HDHD5: variants seen among roughly 807,000 people sequenced by gnomAD.
The protein encoded by HDHD5 is haloacid dehalogenase-like hydrolase domain-containing 5.
HDHD5 carries 34 observed loss-of-function variants against 35.5 expected under a neutral mutation model. The observed-to-expected ratio is 0.96, with a 90% CI of 0.73 to 1.28. The LOEUF (loss-of-function observed/expected upper bound fraction) is 1.28. HDHD5 is among the 50% of genes most tolerant of loss of function. The pLI is 0.00. For missense variants in HDHD5, 589 were observed against 560.2 expected (o/e 1.05, Z -0.52); for synonymous variants, 248 against 240.6 (o/e 1.03, Z -0.29).
In HDHD5 at chr22:17,154,788, C is replaced by T. The variant is rs563310780; in HGVS notation, c.126+4338G>A. On this transcript the variant is annotated intron_variant, in intron 1 of 7. Coordinates refer to ENST00000336737, the MANE Select transcript of HDHD5 (RefSeq NM_033070.3). ...CAAGTATGTGCCACCACATGCCTGG[C>T]TAATTTTTTTTTTTTTTTCTTTTGT... Among the ~76,000 whole-genome samples the T allele has an allele frequency of 2.5e-3, 234 of 94,860 alleles. 1 individual carries two copies. The highest frequency in any genetic ancestry group is 4.3e-3 in the Non-Finnish European group (188 of 43,716). 62.2% of individuals were successfully genotyped at this position (94,860 alleles called of 152,430 possible). A position where few individuals can be genotyped will look rare whatever the true frequency, so the allele number is the denominator to read the frequency against.
chr22:17,142,678 CCCT>C (rs2123853226), intron 5 of HDHD5: 1 of 161,162 alleles, frequency 6.2e-6, no homozygotes, highest in Non-Finnish European at 1.3e-5. Context: ...TTTTATATCC[CCCT>C]ATTACAGTTA....
At chr22:17,162,372 G>C (rs118138475), upstream of HDHD5, among the ~76,000 whole-genome samples, 1 of 152,212 alleles carries the variant, frequency 6.6e-6, no homozygotes, top group Admixed American at 6.5e-5. Context: ...AATATTCTTG[G>C]TGATCAGGAC....
rs2061840495 is a variant in HDHD5, at chr22:17,159,220, C to T, written c.32G>A (p.Gly11Asp). Residue 11 changes from glycine to aspartate, a missense_variant, in exon 1 of 8, where the codon GGC (glycine) becomes GAC (aspartate). Gly to Asp is a moderately conservative substitution (Grantham distance 94). Coordinates refer to ENST00000336737, the MANE Select transcript of HDHD5 (RefSeq NM_033070.3). ...CCGCCAGCAAAGCCCACGCGCCGCG[C>T]CGAGCGCAGCCACACAGCCCCACGC... MAAWGCVAAL[G>D]AARGLCWRAA... The T allele has an allele frequency of 1.7e-6, 2 of 1,206,348 alleles. No homozygotes were observed. Among genetic ancestry groups the T allele is most frequent in the African/African-American group, 1.6e-5 (1 of 62,848 alleles). 74.7% of individuals were successfully genotyped at this position (1,206,348 alleles called of 1,614,324 possible). A position where few individuals can be genotyped will look rare whatever the true frequency, so the allele number is the denominator to read the frequency against.
chr22:17,159,154 C>T lies in HDHD5; in HGVS notation c.98G>A (p.Arg33His), dbSNP rs1045421949. Residue 33 changes from arginine (R) to histidine (H), a missense_variant, in exon 1 of 8, where the codon CGC becomes CAC. Physicochemically the swap from Arg to His is conservative, Grantham distance 29. Transcript: ENST00000336737. ...AAAGLQGRPA[R>H]RCYAVGPAQS... ...AGCGGGGCCCACAGCATAGCACCTGCGGGCGGGGCGGCCCTGGAGCCCCGC... is the reference window on the plus strand; with the variant it reads ...AGCGGGGCCCACAGCATAGCACCTGTGGGCGGGGCGGCCCTGGAGCCCCGC... 4.7e-5 allele frequency: 58 copies of T among 1,223,698 alleles called. No homozygotes were observed. In the African/African-American group the frequency reaches 8.9e-4, roughly 19 times the overall value. 75.8% of individuals were successfully genotyped at this position (1,223,698 alleles called of 1,614,324 possible). A position where few individuals can be genotyped will look rare whatever the true frequency, so the allele number is the denominator to read the frequency against.
chr22:17,138,634 G>A lies in HDHD5; in HGVS notation c.851C>T (p.Thr284Ile). Reference sequence around the variant, plus strand: ...GATCAGGTCCTCGGCATACTGGTAAGTGAGGATGCTGGGTTTGCCCATCAG... The same window carrying A: ...GATCAGGTCCTCGGCATACTGGTAAATGAGGATGCTGGGTTTGCCCATCAG... ...EGLMGKPSIL[T>I]YQYAEDLIRR... Residue 284 changes from threonine (T) to isoleucine (I), a missense_variant, in exon 7 of 8, where the codon ACT becomes ATT. Thr to Ile is a moderately conservative substitution (Grantham distance 89). Coordinates refer to ENST00000336737, the MANE Select transcript of HDHD5 (RefSeq NM_033070.3). The A allele has an allele frequency of 6.2e-7, 1 of 1,614,258 alleles. No individual in the cohort carries two copies.
Position 17,141,154 on chromosome 22 carries a change from G to C in HDHD5, c.651C>G (p.Ser217Arg). The C allele has an allele frequency of 6.3e-7, 1 of 1,594,806 alleles. No individual in the cohort carries two copies. The highest frequency in any genetic ancestry group is 8.5e-7 in the Non-Finnish European group (1 of 1,171,980). The change falls in exon 6 of 8, where the codon AGC (serine) becomes AGG (arginine). Residue 217 changes from serine (S) to arginine (R), a missense_variant. Coordinates refer to ENST00000336737, the MANE Select transcript of HDHD5 (RefSeq NM_033070.3). ...GGGGTGTTGCCAGGCCAGCCCCAGG[G>C]CTCCCATTGCTGAGGAGGACATCCA... is the stretch of plus-strand genomic sequence containing the variant. ...LIMDVLLSNG[S>R]PGAGLATPPY...
Position 17,141,121 on chromosome 22 carries a change from G to C in HDHD5, c.684C>G (p.Pro228=), listed in dbSNP as rs1255638525. 1.3e-6 allele frequency: 2 copies of C among 1,593,978 alleles called. No homozygotes were observed. The highest frequency in any genetic ancestry group is 2.3e-5 in the East Asian group (1 of 43,174). The change falls in exon 6 of 8, where the codon CCC becomes CCG. Residue 228 remains proline, a synonymous_variant. Transcript: ENST00000336737. ...TGTTGCTGGCTAGGACGGGGAGGTG[G>C]GGGTAGGGGGGTGTTGCCAGGCCAG... ...PGAGLATPPY[P]HLPVLASNMD...
intron 6 of HDHD5, among the ~76,000 whole-genome samples, chr22:17,139,676 T>C (rs1470953154): frequency 1.3e-5 from 2 of 152,046 alleles, no homozygotes; most frequent in African/African-American, 2.4e-5. Flanking sequence ...TGGGTTCAAG[T>C]GATTCTCCTG....
rs1221797860 is a variant in HDHD5 at position 17,148,552 on chromosome 22, T to C, written c.339A>G (p.Ala113=). Residue 113 remains alanine (A), a synonymous_variant, in exon 3 of 8, where the codon GCA becomes GCG. Transcript: ENST00000336737. ...GGCTGTGAGAGAGGATAACTTGGTCTGCATCCACCTGTAGGGACAGCCAAG... is the reference window on the plus strand; with the variant it reads ...GGCTGTGAGAGAGGATAACTTGGTCCGCATCCACCTGTAGGGACAGCCAAG... The part of the protein sequence containing the change: ...LSALLGCEVD[A]DQVILSHSPM... 6.2e-7 allele frequency: 1 copy of C among 1,613,562 alleles called. No homozygotes were observed. Among genetic ancestry groups the C allele is most frequent in the South Asian group, 1.1e-5 (1 of 91,076 alleles).
At chr22:17,160,463 G>A (rs1356188241), upstream of HDHD5, among the ~76,000 whole-genome samples, 1 of 151,962 alleles carries the variant, frequency 6.6e-6, no homozygotes, top group Non-Finnish European at 1.5e-5. Context: ...ACCTAGCCAA[G>A]ATGGTGAAAC....
chr22:17,158,245 C>G (rs2061822381), intron 1 of HDHD5, among the ~76,000 whole-genome samples: 1 of 151,940 alleles, frequency 6.6e-6, no homozygotes, highest in Non-Finnish European at 1.5e-5. Flanking sequence ...CGCTTGAACC[C>G]GGGAGGCGGA....
intron 1 of HDHD5, among the ~76,000 whole-genome samples, chr22:17,152,590 G>C (rs1261789963): frequency 6.6e-6 from 1 of 152,154 alleles, no homozygotes; most frequent in Admixed American, 6.6e-5. Context: ...TTTGGACCTG[G>C]GAGACAGGCA....
chr22:17,162,575 CTGTT>C (rs1320516284), upstream of HDHD5, among the ~76,000 whole-genome samples: 1 of 152,138 alleles, frequency 6.6e-6, no homozygotes, highest in Non-Finnish European at 1.5e-5. Context: ...GTTTGTTTGT[CTGTT>C]TGTTTCGGGG....
At chr22:17,152,178 G>A (rs1262408345) in intron 1 of HDHD5, among the ~76,000 whole-genome samples, 1 of 152,150 alleles carries the variant, frequency 6.6e-6, no homozygotes, top group Non-Finnish European at 1.5e-5. Flanking sequence ...AGGTCTCCGA[G>A]GCCAATTTAA....
chr22:17,164,826 C>A (rs2061882046), intron 1 of HDHD5, among the ~76,000 whole-genome samples: 1 of 152,204 alleles, frequency 6.6e-6, no homozygotes, highest in East Asian at 1.9e-4. Context: ...ACTGGCATAT[C>A]CTACCTCACA....
At chr22:17,155,231 CTTTTTTT>C (rs539943001) in intron 1 of HDHD5, among the ~76,000 whole-genome samples, 1 of 133,256 alleles carries the variant, frequency 7.5e-6, no homozygotes, top group Non-Finnish European at 1.6e-5. Flanking sequence ...ATTTGCTTTC[CTTTTTTT>C]TTTTTTTTTG....
At position 17,145,058 on chromosome 22, in the gene HDHD5, T is replaced by G; in HGVS notation, c.503A>C (p.Asp168Ala). 6.2e-7 allele frequency: 1 copy of G among 1,613,824 alleles called. No homozygotes were observed. The highest frequency in any genetic ancestry group is 8.5e-7 in the Non-Finnish European group (1 of 1,179,980). Residue 168 changes from aspartate (D) to alanine (A), a missense_variant, in exon 4 of 8, where the codon GAC becomes GCC. Coordinates refer to ENST00000336737, the MANE Select transcript of HDHD5 (RefSeq NM_033070.3). ...TAGCCGCCGCTCCAGGTCCACCATG[T>G]CAAGCAGAGGAAAGGCCATCCGCAG... Reference protein sequence around the residue: ...DELRMAFPLLDMVDLERRLKT... With the variant: ...DELRMAFPLLAMVDLERRLKT...
At chr22:17,143,321 G>A (rs1163530981) in intron 4 of HDHD5, 190 bp from the exon 5 acceptor site, 3 of 539,360 alleles carry the variant, frequency 5.6e-6, no homozygotes, top group Non-Finnish European at 9.5e-6. Context: ...AAAGACAATG[G>A]CCAGGTGGGG....
At chr22:17,154,980 C>CA (rs2061770505) in intron 1 of HDHD5, among the ~76,000 whole-genome samples, 1 of 151,822 alleles carries the variant, frequency 6.6e-6, no homozygotes, top group Non-Finnish European at 1.5e-5. Context: ...TTTGAAATGA[C>CA]AAGAAATCAG....
Sources: gnomAD v4.1 joint callset for allele counts (sites outside exome capture counted in the v4.1 genomes callset) on GRCh38, gnomAD v4.1.1 for gene constraint, MANE v1.5 for transcripts, NCBI Gene and HGNC (gene_info 2026-07-23, HGNC 2026-07-21) for gene names.